The following KCNQ2 variants were observed in gnomAD, a reference collection of about 807,000 sequenced individuals.
KCNQ2 encodes potassium voltage-gated channel subfamily KQT member 2.
Under a neutral mutation model 84.8 loss-of-function variants are expected in KCNQ2, and 14 were observed. That is an observed-to-expected ratio of 0.17 (90% CI 0.11 to 0.26). KCNQ2 has a LOEUF of 0.26. Among genes scored for constraint, KCNQ2 ranks in the 10% least tolerant of loss-of-function variants. KCNQ2 has a pLI of 1.00. For synonymous variants in KCNQ2, 599 were observed against 554.1 expected, an observed-to-expected ratio of 1.08 and a Z score of -1.14; for missense variants, 788 against 1,254.0, an observed-to-expected ratio of 0.63 and a Z score of 5.61.
intron 8 of KCNQ2, among the ~76,000 whole-genome samples, chr20:63,431,581 A>G (rs939102540): frequency 3.9e-5 from 6 of 152,068 alleles, no homozygotes; most frequent in Non-Finnish European, 7.4e-5. Context: ...CAGGAAAGAC[A>G]AGCAGGGCCA....
intron 12 of KCNQ2, 55 bp downstream of exon 12, chr20:63,419,564 A>G: frequency 2.0e-6 from 3 of 1,537,810 alleles, no homozygotes; most frequent in Non-Finnish European, 8.9e-7. Flanking sequence ...GTAAGCAGGG[A>G]GGGGCAGAGG....
intron 1 of KCNQ2, among the ~76,000 whole-genome samples, chr20:63,469,568 G>C (rs2082159890): frequency 1.3e-5 from 2 of 152,246 alleles, no homozygotes; most frequent in Admixed American, 6.5e-5. Context: ...GGTCCAACAG[G>C]GATGCCCAGA....
At position 63,401,823 on chromosome 20, in the gene KCNQ2, A is replaced by C; in HGVS notation, c.*4821T>G. 5.2e-6 allele frequency: 1 copy of C among 194,010 alleles called. No homozygotes were observed. Among genetic ancestry groups the C allele is most frequent in the Non-Finnish European group, 1.1e-5 (1 of 93,628 alleles). 12.0% of individuals were successfully genotyped at this position (194,010 alleles called of 1,614,324 possible). On this transcript the variant is annotated 3_prime_UTR_variant, in exon 17 of 17. Transcript: ENST00000359125. ...AAGCCTCGTGAGCTGTCCCTCTCAC[A>C]CCACGTCTGCTGGGCACCCTCCATG...
rs529714025 is a variant in KCNQ2 at position 63,441,988 on chromosome 20, T to TTCAGACCTGA, written c.816+408_816+417dup. Reference sequence around the variant, plus strand: ...AGGAGGAGCCCAGGGGCCAGATCTGTTCAGACCTGATCAGAGTGGGGCCTG... The same window carrying TTCAGACCTGA: ...AGGAGGAGCCCAGGGGCCAGATCTGTTCAGACCTGATCAGACCTGATCAGAGTGGGGCCTG... On this transcript the variant is annotated intron_variant, in intron 5 of 16. Transcript: ENST00000359125. 7.2e-5 allele frequency among the ~76,000 whole-genome samples: 11 copies of TTCAGACCTGA among 152,162 alleles called. No homozygotes were observed. In the South Asian group the frequency reaches 2.3e-3, roughly 32 times the overall value.
At chr20:63,411,574 A>T (rs889694547) in intron 15 of KCNQ2, among the ~76,000 whole-genome samples, 1 of 152,216 alleles carries the variant, frequency 6.6e-6, no homozygotes, top group African/African-American at 2.4e-5. Flanking sequence ...GGCCCCTGGC[A>T]GTCCTGATAG....
intron 7 of KCNQ2, among the ~76,000 whole-genome samples, chr20:63,434,966 G>A (rs1415985065): frequency 6.6e-6 from 1 of 152,186 alleles, no homozygotes; most frequent in Admixed American, 6.5e-5. Context: ...AGAATGGCCG[G>A]GTCACGTGAC....
intron 2 of KCNQ2, chr20:63,445,571 C>T: frequency 3.3e-6 from 1 of 301,166 alleles, no homozygotes; most frequent in South Asian, 4.0e-5. Flanking sequence ...TCCGGGAACA[C>T]AGCTGAGCAT....
chr20:63,455,800 AC>A (rs561955749), intron 1 of KCNQ2, among the ~76,000 whole-genome samples: 1,404 of 74,164 alleles, frequency 0.019, 18 homozygotes, highest in South Asian at 0.044. Context: ...GTGCTCACGG[AC>A]CCCCCACCTC....
chr20:63,423,987 G>T, intron 11 of KCNQ2, 190 bp downstream of exon 11: 1 of 649,178 alleles, frequency 1.5e-6, no homozygotes, highest in South Asian at 1.8e-5. Flanking sequence ...TGGGGAGGGG[G>T]TGAGCAGGAA....
At chr20:63,450,684 G>A (rs542467601) in intron 1 of KCNQ2, among the ~76,000 whole-genome samples, 1 of 150,804 alleles carries the variant, frequency 6.6e-6, no homozygotes, top group South Asian at 2.1e-4. Context: ...GCAGAGCAGC[G>A]TCTGTGGAGC....
intron 1 of KCNQ2, among the ~76,000 whole-genome samples, chr20:63,451,127 G>A (rs2081601994): frequency 7.0e-6 from 1 of 142,180 alleles, no homozygotes. Context: ...AATAGAGCAA[G>A]ACTCTGTCCC....
rs1490782390 is a variant in KCNQ2 at position 63,415,217 on chromosome 20, C to T, written c.1302-91G>A. 81 of 1,201,238 alleles carry T rather than the reference C, an allele frequency of 6.7e-5. 1 individual carries two copies. The South Asian group carries it at 1.0e-3, about 15-fold the overall frequency. 74.4% of individuals were successfully genotyped at this position (1,201,238 alleles called of 1,614,324 possible). Reference sequence around the variant, plus strand: ...AGGCCGTGTCTGCTCATGGCCGACGCCGCCCATGCGCCGGAGGGAGACACA... The same window carrying T: ...AGGCCGTGTCTGCTCATGGCCGACGTCGCCCATGCGCCGGAGGGAGACACA... On this transcript the variant is annotated intron_variant, in intron 12 of 16. Coordinates refer to ENST00000359125, the MANE Select transcript of KCNQ2 (RefSeq NM_172107.4).
rs569375879 is a variant in KCNQ2 at position 63,436,771 on chromosome 20, A to G, written c.1023+1854T>C. On this transcript the variant is annotated intron_variant, in intron 7 of 16. Transcript: ENST00000359125. Reference sequence around the variant, plus strand: ...TAGTAAGCTATGGCATGGTATAAACATAACTTTTTTTTTTTTTTTTTTTGA... The same window carrying G: ...TAGTAAGCTATGGCATGGTATAAACGTAACTTTTTTTTTTTTTTTTTTTGA... 2.8e-5 allele frequency among the ~76,000 whole-genome samples: 4 copies of G among 142,650 alleles called. No individual in the cohort carries two copies. The East Asian group carries it at 8.7e-4, about 31-fold the overall frequency. The allele number at this position is 142,650 out of a possible 152,430, so 93.6% of individuals were successfully genotyped here.
At chr20:63,424,111 G>C in intron 11 of KCNQ2, 66 bp downstream of exon 11, 1 of 1,520,702 alleles carries the variant, frequency 6.6e-7, no homozygotes, top group South Asian at 1.2e-5. Flanking sequence ...TTGCGCACAC[G>C]TGTGGGAGAG....
Position 63,438,197 on chromosome 20 carries a change from C to T in KCNQ2, c.1023+428G>A, listed in dbSNP as rs552763320. ...CGCTACCCACCCCCAAATGGTGGGA[C>T]GGCACTGGGTGGGGTCCGGGCGGGC... is the stretch of plus-strand genomic sequence containing the variant. On this transcript the variant is annotated intron_variant, in intron 7 of 16. Coordinates refer to ENST00000359125, the MANE Select transcript of KCNQ2 (RefSeq NM_172107.4). This position sits in a 1 kb window ranked among gnomAD's most constrained non-coding sequence, Gnocchi z 5.1. 6.7e-5 allele frequency: 19 copies of T among 284,386 alleles called. 1 individual carries two copies. In the East Asian group the frequency reaches 7.6e-4, roughly 11 times the overall value. The allele number at this position is 284,386 out of a possible 1,614,324, so 17.6% of individuals were successfully genotyped here.
At chr20:63,451,050 A>T (rs992019561) in intron 1 of KCNQ2, among the ~76,000 whole-genome samples, 7 of 151,860 alleles carry the variant, frequency 4.6e-5, no homozygotes, top group African/African-American at 1.7e-4. Context: ...AGGCAGAAGA[A>T]TCGCTTGAAC....
At chr20:63,435,444 GA>G (rs1265713953) in intron 7 of KCNQ2, among the ~76,000 whole-genome samples, 2 of 151,708 alleles carry the variant, frequency 1.3e-5, no homozygotes, top group African/African-American at 4.8e-5. Flanking sequence ...AGACGGGACT[GA>G]ACTGCTGCCA....
Position 63,406,552 on chromosome 20 carries a change from TA to T in KCNQ2, c.*91del, listed in dbSNP as rs2079938240. On this transcript the variant is annotated 3_prime_UTR_variant, in exon 17 of 17. Transcript: ENST00000359125. The stretch of plus-strand genomic sequence containing the variant: ...CCCTTCCCGCCACACTCAGTTACTG[TA>T]AGAAAAGGGCCCCAGAGGGTTCCCG... 4.3e-6 allele frequency: 6 copies of T among 1,403,190 alleles called. No individual in the cohort carries two copies. Among genetic ancestry groups the T allele is most frequent in the Non-Finnish European group, 5.6e-6 (6 of 1,064,650 alleles). The allele number at this position is 1,403,190 out of a possible 1,614,324, so 86.9% of individuals were successfully genotyped here. A position where few individuals can be genotyped will look rare whatever the true frequency, so the allele number is the denominator to read the frequency against.
intron 4 of KCNQ2, 94 bp from the exon 5 acceptor site, chr20:63,442,625 A>C: frequency 2.3e-6 from 3 of 1,283,924 alleles, no homozygotes; most frequent in Non-Finnish European, 1.1e-6. Context: ...CAACACCATG[A>C]CCACCATCAC....
Sources: gnomAD v4.1 joint callset for allele counts (sites outside exome capture counted in the v4.1 genomes callset) on GRCh38, gnomAD v4.1.1 for gene constraint, Gnocchi (gnomAD v3.1) non-coding constraint, MANE v1.5 for transcripts, NCBI Gene and HGNC (gene_info 2026-07-23, HGNC 2026-07-21) for gene names.